Variants in MATN2 observed in about 807,000 individuals in gnomAD.
MATN2 encodes the protein matrilin 2.
A neutral mutation model predicts 103.2 loss-of-function variants in MATN2; 69 were observed. The observed-to-expected ratio is 0.67, with a 90% CI of 0.55 to 0.82. The LOEUF (loss-of-function observed/expected upper bound fraction) is 0.82. Among genes scored for constraint, MATN2 ranks in the 40% least tolerant of loss-of-function variants. The pLI, the probability that MATN2 is intolerant of heterozygous loss-of-function variation, is 0.00. For synonymous variants in MATN2, 429 were observed against 450.2 expected, an observed-to-expected ratio of 0.95 and a Z score of 0.60; for missense variants, 1,023 against 1,211.5, an observed-to-expected ratio of 0.84 and a Z score of 2.31.
chr8:97,941,940 T>G, intron 4 of MATN2, 41 bp downstream of exon 4: 1 of 1,603,544 alleles, frequency 6.2e-7, no homozygotes, highest in South Asian at 1.1e-5. Flanking sequence ...TTCTTCCTAT[T>G]CCCTCATCCT....
chr8:98,026,349 T>A (rs907664663), intron 13 of MATN2, among the ~76,000 whole-genome samples: 2 of 151,814 alleles, frequency 1.3e-5, no homozygotes, highest in Non-Finnish European at 2.9e-5. Context: ...AACCTGTAAT[T>A]CTTGGGCTCC....
chr8:97,917,855 C>G (rs1279371627), intron 2 of MATN2, among the ~76,000 whole-genome samples: 2 of 152,116 alleles, frequency 1.3e-5, no homozygotes, highest in African/African-American at 4.8e-5. Context: ...GAGACTGAAG[C>G]TGGTGGATTG....
chr8:98,021,032 G>A (rs1048233426), intron 12 of MATN2, 173 bp from the exon 13 acceptor site: 2 of 543,474 alleles, frequency 3.7e-6, no homozygotes, highest in African/African-American at 3.8e-5. Context: ...CTTTCTGAGA[G>A]GAGCTTTTTC....
chr8:98,029,245 T>C (rs1470199904), intron 14 of MATN2, among the ~76,000 whole-genome samples: 2 of 152,232 alleles, frequency 1.3e-5, no homozygotes, highest in South Asian at 2.1e-4. Flanking sequence ...TCTGGATAGA[T>C]TGTAAAACTG....
At chr8:97,880,344 A>G (rs547444601) in intron 1 of MATN2, among the ~76,000 whole-genome samples, 8 of 152,250 alleles carry the variant, frequency 5.3e-5, no homozygotes, top group Admixed American at 3.9e-4. Flanking sequence ...AGAAAACTCA[A>G]TTCCCCCTGA....
chr8:97,945,717 A>AAAAAAATATATATAT (rs59472539), intron 4 of MATN2, among the ~76,000 whole-genome samples: 2 of 121,832 alleles, frequency 1.6e-5, no homozygotes, highest in Admixed American at 9.1e-5. Flanking sequence ...AAAAAAAAAA[A>AAAAAAATATATATAT]ATATATATAT....
At chr8:97,926,855 A>G (rs1444543314) in intron 2 of MATN2, among the ~76,000 whole-genome samples, 4 of 152,336 alleles carry the variant, frequency 2.6e-5, no homozygotes, top group Non-Finnish European at 4.4e-5. Flanking sequence ...ATTTAATTCC[A>G]CAGATGTTGA....
intron 3 of MATN2, among the ~76,000 whole-genome samples, chr8:97,937,684 T>A (rs888505488): frequency 1.4e-5 from 2 of 141,902 alleles, no homozygotes; most frequent in African/African-American, 2.7e-5. Flanking sequence ...TGCCTCCCGG[T>A]TTCAAGCAAT....
At chr8:97,912,423 GAAGCGCTGAGAGCGCTGA>G (rs964257914) in intron 2 of MATN2, among the ~76,000 whole-genome samples, 70 of 152,252 alleles carry the variant, frequency 4.6e-4, no homozygotes, top group African/African-American at 1.6e-3. Flanking sequence ...GCCGGGCATT[GAAGCGCTGAGAGCGCTGA>G]GGAAACAAAT....
chr8:97,892,933 G>T (rs546916267), intron 2 of MATN2, among the ~76,000 whole-genome samples: 1 of 152,182 alleles, frequency 6.6e-6, no homozygotes, highest in Non-Finnish European at 1.5e-5. Flanking sequence ...GAGGCATGAG[G>T]ATGGAGTGTG....
intron 6 of MATN2, among the ~76,000 whole-genome samples, chr8:97,985,498 T>G (rs1247604921): frequency 6.6e-6 from 1 of 152,228 alleles, no homozygotes; most frequent in Non-Finnish European, 1.5e-5. Context: ...ATTATGTTCT[T>G]CTCCAAATCA....
At chr8:97,973,295 C>G (rs778498331) in intron 5 of MATN2, among the ~76,000 whole-genome samples, 3 of 152,146 alleles carry the variant, frequency 2.0e-5, no homozygotes, top group Non-Finnish European at 2.9e-5. Context: ...CATCCTCCCC[C>G]TTAGTTCCCC....
At chr8:97,979,051 T>TA in intron 6 of MATN2, 43 bp downstream of exon 6, 1 of 1,573,454 alleles carries the variant, frequency 6.4e-7, no homozygotes, top group Non-Finnish European at 8.6e-7. Flanking sequence ...TATTTGCTGT[T>TA]ACTGCTGTGG....
At chr8:97,963,333 G>A (rs932089110) in intron 5 of MATN2, among the ~76,000 whole-genome samples, 1 of 152,048 alleles carries the variant, frequency 6.6e-6, no homozygotes, top group African/African-American at 2.4e-5. Context: ...CAGGATGAGG[G>A]TAATGGGTTG....
At chr8:97,941,343 CTG>C (rs1417782759) in intron 3 of MATN2, among the ~76,000 whole-genome samples, 1 of 152,074 alleles carries the variant, frequency 6.6e-6, no homozygotes, top group Non-Finnish European at 1.5e-5. Context: ...TTTTGAGAAA[CTG>C]TTGGTTCTTT....
chr8:97,901,621 G>T (rs10098179), intron 2 of MATN2, among the ~76,000 whole-genome samples: 66,858 of 152,086 alleles, frequency 0.44, 15,434 homozygotes, highest in African/African-American at 0.55. Context: ...AAATACGTAT[G>T]AAGAAGCTAC....
intron 1 of MATN2, among the ~76,000 whole-genome samples, chr8:97,886,851 A>G (rs891243576): frequency 2.6e-5 from 4 of 151,850 alleles, no homozygotes; most frequent in Non-Finnish European, 5.9e-5. Flanking sequence ...GTTTTCTACT[A>G]ATCAATGCAT....
chr8:97,961,839 T>C lies in MATN2; in HGVS notation c.958+309T>C, dbSNP rs185112865. Among the ~76,000 whole-genome samples the C allele has an allele frequency of 1.6e-3, 246 of 152,312 alleles. 1 individual carries two copies. Among genetic ancestry groups the C allele is most frequent in the Non-Finnish European group, 2.8e-3 (191 of 68,032 alleles). On this transcript the variant is annotated intron_variant, in intron 5 of 18. Transcript: ENST00000254898. Reference sequence around the variant, plus strand: ...GGATTTTCTTCAACTTTGGAGGATATGTTTGGAATGGCCTGACTTATATAT... The same window carrying C: ...GGATTTTCTTCAACTTTGGAGGATACGTTTGGAATGGCCTGACTTATATAT...
rs1451990396 is a variant in MATN2, at chr8:97,959,434, T to C, written c.836-1974T>C. On this transcript the variant is annotated intron_variant, in intron 4 of 18. Transcript: ENST00000254898. ...TCTGGCCTAGCTCATTTAGGTTTTG[T>C]ATTTCTTTGATTACTCACTACGATT... is the stretch of plus-strand genomic sequence containing the variant. Among the ~76,000 whole-genome samples the C allele has an allele frequency of 2.0e-5, 3 of 152,238 alleles. No individual in the cohort carries two copies. The East Asian group carries it at 5.8e-4, about 29-fold the overall frequency.
Sources: allele counts gnomAD v4.1 joint callset (sites outside exome capture counted in the v4.1 genomes callset), GRCh38; gene constraint gnomAD v4.1.1; transcripts MANE v1.5; gene names NCBI Gene and HGNC (gene_info 2026-07-23, HGNC 2026-07-21).